The following FRK variants were observed in gnomAD, a reference collection of about 807,000 sequenced individuals.
FRK encodes the protein fyn related Src family tyrosine kinase.
In FRK, 51 loss-of-function variants were observed where a neutral mutation model predicts 56.4. The ratio of observed to expected loss-of-function variants is 0.90; its 90% CI spans 0.72 to 1.14. FRK has a LOEUF of 1.14. Ranked by LOEUF, FRK falls within the 50% of genes most tolerant of loss-of-function variation. The pLI is 0.00. For synonymous variants in FRK, 245 were observed against 217.9 expected (o/e 1.12, Z -1.10); for missense variants, 570 against 601.4 (o/e 0.95, Z 0.55).
chr6:116,071,861 T>C, the FRK span, among the ~76,000 whole-genome samples: 3 of 152,258 alleles, frequency 2.0e-5, no homozygotes, highest in East Asian at 5.8e-4. Context: ...CAGATAAATA[T>C]TGTCAGTGCA....
In FRK at chr6:115,958,695, A is replaced by G. The variant is rs1444612947; in HGVS notation, c.800-2085T>C. Among the ~76,000 whole-genome samples, 38 of 5,010 alleles carry G rather than the reference A, an allele frequency of 7.6e-3. 5 individuals are homozygous for G. Among genetic ancestry groups the G allele is most frequent in the Non-Finnish European group, 0.012 (33 of 2,690 alleles). 3.3% of individuals were successfully genotyped at this position (5,010 alleles called of 152,430 possible). A position where few individuals can be genotyped will look rare whatever the true frequency, so the allele number is the denominator to read the frequency against. On this transcript the variant is annotated intron_variant, in intron 4 of 7. Transcript: ENST00000606080. ...AAGAAAGAAAGAAAGAAAGAAAGAA[A>G]GAAAGAAAGAAGAAAGAAAGAAAGA...
chr6:116,072,671 C>A, the FRK span, among the ~76,000 whole-genome samples: 1 of 151,970 alleles, frequency 6.6e-6, no homozygotes, highest in Non-Finnish European at 1.5e-5. Context: ...GTTGGCTAAG[C>A]AAAACATGGA....
At chr6:116,096,294 G>T in the FRK span, among the ~76,000 whole-genome samples, 1 of 152,214 alleles carries the variant, frequency 6.6e-6, no homozygotes, top group Non-Finnish European at 1.5e-5. Context: ...CAGTTGGGGT[G>T]TCCTGTTTAG....
chr6:115,975,628 C>T (rs2114622119), intron 2 of FRK, among the ~76,000 whole-genome samples: 1 of 152,068 alleles, frequency 6.6e-6, no homozygotes, highest in African/African-American at 2.4e-5. Context: ...TAAGTGAATG[C>T]TTGTGCCATT....
At chr6:116,003,856 G>T in intron 2 of FRK, 21 bp downstream of exon 2, 1 of 1,611,952 alleles carries the variant, frequency 6.2e-7, no homozygotes, top group South Asian at 1.1e-5. Context: ...CATATTGAAT[G>T]ACACAAAACA....
At chr6:115,985,530 A>G (rs955258395) in intron 2 of FRK, among the ~76,000 whole-genome samples, 9 of 152,150 alleles carry the variant, frequency 5.9e-5, no homozygotes, top group African/African-American at 1.4e-4. Context: ...GGATGTCCAC[A>G]TAAGTTCTGA....
chr6:116,029,189 C>G (rs1208323867), intron 1 of FRK, among the ~76,000 whole-genome samples: 2 of 152,160 alleles, frequency 1.3e-5, no homozygotes, highest in South Asian at 4.1e-4. Context: ...AATAGTGACA[C>G]CACTCATCTC....
intron 1 of FRK, among the ~76,000 whole-genome samples, chr6:116,017,101 A>AT (rs986146229): frequency 6.6e-6 from 1 of 152,164 alleles, no homozygotes; most frequent in Non-Finnish European, 1.5e-5. Context: ...GCACAAATAC[A>AT]TTACAAGCTT....
rs547611067 is a variant in FRK, at chr6:115,935,738, C to T, written c.*6676G>A. On this transcript the variant is annotated 3_prime_UTR_variant, in exon 8 of 8. Transcript: ENST00000606080. ...GTCTAAACAAAGCTGCCTGGGAGTT[C>T]GAATTGGGTAGAGCCCACCACCTCA... 6.6e-6 allele frequency: 1 copy of T among 152,208 alleles called. No individual in the cohort carries two copies. The highest frequency in any genetic ancestry group is 6.5e-5 in the Admixed American group (1 of 15,272). The allele number at this position is 152,208 out of a possible 1,614,324, so 9.4% of individuals were successfully genotyped here.
At chr6:115,951,755 G>C (rs1376191493) in intron 5 of FRK, among the ~76,000 whole-genome samples, 2 of 152,180 alleles carry the variant, frequency 1.3e-5, no homozygotes. Flanking sequence ...GGAGGAAATT[G>C]AGTGACACAC....
intron 2 of FRK, among the ~76,000 whole-genome samples, chr6:115,994,338 C>CCCCTTTT (rs1554230544): frequency 8.7e-5 from 8 of 91,768 alleles, no homozygotes; most frequent in Non-Finnish European, 1.2e-4. Flanking sequence ...CCCCCCCCGC[C>CCCCTTTT]TTTTTTTTGT....
the FRK span, among the ~76,000 whole-genome samples, chr6:116,073,922 A>G: frequency 6.6e-6 from 1 of 152,210 alleles, no homozygotes; most frequent in African/African-American, 2.4e-5. Context: ...GGCTGCTGCC[A>G]GGGTGAAGGA....
chr6:115,945,089 A>G (rs1382980940), intron 5 of FRK, among the ~76,000 whole-genome samples: 4 of 152,206 alleles, frequency 2.6e-5, no homozygotes, highest in Non-Finnish European at 5.9e-5. Flanking sequence ...TATACATACC[A>G]CATTTTCTTT....
chr6:116,066,239 C>T, the FRK span, among the ~76,000 whole-genome samples: 3 of 152,104 alleles, frequency 2.0e-5, no homozygotes, highest in Non-Finnish European at 4.4e-5. Flanking sequence ...CATGAAAAAG[C>T]GAGACTGGCC....
chr6:115,947,159 C>G lies in FRK; in HGVS notation c.959-2734G>C, dbSNP rs141680992. ...CTAGGGTGCTGGCCACATTCTAATG[C>G]TTGATCTGGGCAGTGACTGAATGGT... On this transcript the variant is annotated intron_variant, in intron 5 of 7. Transcript: ENST00000606080. 3.2e-3 allele frequency among the ~76,000 whole-genome samples: 482 copies of G among 152,076 alleles called. 1 individual carries two copies. The highest frequency in any genetic ancestry group is 0.011 in the African/African-American group (449 of 41,506).
At chr6:116,098,100 C>CTTTTT in the FRK span, among the ~76,000 whole-genome samples, 3 of 84,268 alleles carry the variant, frequency 3.6e-5, no homozygotes, top group Non-Finnish European at 4.5e-5. Flanking sequence ...TTACAGACAG[C>CTTTTT]TTTTTTTTTT....
rs1417975530 is a variant in FRK, at chr6:115,933,135, GA to G, written c.*9278del. 2 of 151,638 alleles carry G rather than the reference GA, an allele frequency of 1.3e-5. No homozygotes were observed. The highest frequency in any genetic ancestry group is 2.9e-5 in the Non-Finnish European group (2 of 67,886). 9.4% of individuals were successfully genotyped at this position (151,638 alleles called of 1,614,324 possible). ...CCCTCTTTTTAAAAAAAAAGAAAAAGAAAAACTTAATGGAACATTGAATTTT... is the reference window on the plus strand; with the variant it reads ...CCCTCTTTTTAAAAAAAAAGAAAAAGAAAACTTAATGGAACATTGAATTTT... On this transcript the variant is annotated 3_prime_UTR_variant, in exon 8 of 8. Coordinates refer to ENST00000606080, the MANE Select transcript of FRK (RefSeq NM_002031.3).
the FRK span, among the ~76,000 whole-genome samples, chr6:116,070,436 G>A: frequency 9.9e-5 from 15 of 152,270 alleles, no homozygotes; most frequent in South Asian, 2.9e-3. Flanking sequence ...CCAGGCTCCT[G>A]ATTCTCAGTC....
the FRK span, among the ~76,000 whole-genome samples, chr6:116,069,146 C>T: frequency 6.6e-6 from 1 of 152,214 alleles, no homozygotes; most frequent in Admixed American, 6.5e-5. Flanking sequence ...ATTATTTTAG[C>T]AATGCCACAG....
Sources: gnomAD v4.1 joint callset for allele counts (sites outside exome capture counted in the v4.1 genomes callset) on GRCh38, gnomAD v4.1.1 for gene constraint, MANE v1.5 for transcripts, NCBI Gene and HGNC (gene_info 2026-07-23, HGNC 2026-07-21) for gene names.